GALNT2: variants seen among roughly 807,000 people sequenced by gnomAD.
GALNT2 encodes polypeptide N-acetylgalactosaminyltransferase 2.
Under a neutral mutation model 81.4 loss-of-function variants are expected in GALNT2, and 31 were observed. That is an observed-to-expected ratio of 0.38 (90% CI 0.29 to 0.51). The LOEUF is 0.51. Among genes scored for constraint, GALNT2 ranks in the 20% least tolerant of loss-of-function variants. The pLI is 0.87. For synonymous variants in GALNT2, 303 were observed against 287.4 expected (o/e 1.05, Z -0.55); for missense variants, 629 against 765.7 (o/e 0.82, Z 2.11).
chr1:230,138,869 G>C (rs1339907288), intron 1 of GALNT2, among the ~76,000 whole-genome samples: 1 of 152,166 alleles, frequency 6.6e-6, no homozygotes, highest in African/African-American at 2.4e-5. Flanking sequence ...TGGTTTTGGT[G>C]GGTTTTGGCA....
At chr1:230,165,099 A>G (rs1392206810) in intron 1 of GALNT2, among the ~76,000 whole-genome samples, 1 of 152,206 alleles carries the variant, frequency 6.6e-6, no homozygotes, top group East Asian at 1.9e-4. Flanking sequence ...CTATTCAACA[A>G]TTCATGAAGA....
Position 230,243,514 on chromosome 1 carries a change from C to G in GALNT2, c.729+87C>G. On this transcript the variant is annotated intron_variant, in intron 7 of 15. Coordinates refer to ENST00000366672, the MANE Select transcript of GALNT2 (RefSeq NM_004481.5). This position sits in a 1 kb window ranked among gnomAD's most constrained non-coding sequence, Gnocchi z 4.2. Reference sequence around the variant, plus strand: ...GGAGCATGGTCCAGGGGAGGTGTAACGCAGGGAGTAGGGCGTCAGGGCTGG... The same window carrying G: ...GGAGCATGGTCCAGGGGAGGTGTAAGGCAGGGAGTAGGGCGTCAGGGCTGG... 1 of 1,516,752 alleles carries G rather than the reference C, an allele frequency of 6.6e-7. No homozygotes were observed. Among genetic ancestry groups the G allele is most frequent in the Non-Finnish European group, 8.8e-7 (1 of 1,133,402 alleles). The allele number at this position is 1,516,752 out of a possible 1,614,324, so 94.0% of individuals were successfully genotyped here. A position where few individuals can be genotyped will look rare whatever the true frequency, so the allele number is the denominator to read the frequency against.
At chr1:230,132,911 A>G (rs1661411766) in intron 1 of GALNT2, among the ~76,000 whole-genome samples, 1 of 152,224 alleles carries the variant, frequency 6.6e-6, no homozygotes, top group Non-Finnish European at 1.5e-5. Context: ...GAACTGATGC[A>G]TATTAATTAT....
chr1:230,182,826 A>G (rs993880091), intron 2 of GALNT2, among the ~76,000 whole-genome samples: 2 of 152,198 alleles, frequency 1.3e-5, no homozygotes, highest in Non-Finnish European at 2.9e-5. Context: ...TTGACAGAGG[A>G]CTATTGAGGT....
chr1:230,200,863 G>A lies in GALNT2; in HGVS notation c.221-2274G>A, dbSNP rs578054367. 1.8e-4 allele frequency among the ~76,000 whole-genome samples: 27 copies of A among 152,344 alleles called. No individual in the cohort carries two copies. In the South Asian group the frequency reaches 5.4e-3, roughly 30 times the overall value. Reference sequence around the variant, plus strand: ...ATGGTTCTTTATTCCATAGTTCAAAGTTCCGTGGTGCAGGGTATTCAGGAC... The same window carrying A: ...ATGGTTCTTTATTCCATAGTTCAAAATTCCGTGGTGCAGGGTATTCAGGAC... On this transcript the variant is annotated intron_variant, in intron 2 of 15. Coordinates refer to ENST00000366672, the MANE Select transcript of GALNT2 (RefSeq NM_004481.5).
intron 1 of GALNT2, among the ~76,000 whole-genome samples, chr1:230,092,764 C>T (rs577483875): frequency 2.0e-5 from 3 of 151,948 alleles, no homozygotes; most frequent in South Asian, 2.1e-4. Flanking sequence ...GATTCGAGGC[C>T]GCTTATAAGA....
intron 1 of GALNT2, among the ~76,000 whole-genome samples, chr1:230,077,395 A>G (rs904579637): frequency 2.6e-5 from 4 of 152,154 alleles, no homozygotes; most frequent in African/African-American, 9.7e-5. Context: ...CAACTTTTTC[A>G]TCAATTCCGA....
chr1:230,119,662 C>T (rs9651126), intron 1 of GALNT2, among the ~76,000 whole-genome samples: 2,639 of 152,190 alleles, frequency 0.017, 76 homozygotes, highest in African/African-American at 0.059. Flanking sequence ...TATTTGTTTA[C>T]CTGGTGGTAC....
At chr1:230,213,909 T>C (rs143840242) in intron 3 of GALNT2, among the ~76,000 whole-genome samples, 1 of 151,922 alleles carries the variant, frequency 6.6e-6, no homozygotes, top group Admixed American at 6.5e-5. Context: ...CTTTATAAAC[T>C]CTATAGGATA....
Position 230,255,201 on chromosome 1 carries a change from CT to C in GALNT2, c.1010-15del. ...CCCAGGCTCTGTCAGTCACCTGTGT[CT>C]TGTTCATCGTCTCAGAGATCTCGTT... is the stretch of plus-strand genomic sequence containing the variant. On this transcript the variant is annotated splice_polypyrimidine_tract_variant and intron_variant, in intron 10 of 15. Transcript: ENST00000366672. The C allele has an allele frequency of 6.2e-7, 1 of 1,614,194 alleles. No homozygotes were observed. Among genetic ancestry groups the C allele is most frequent in the Non-Finnish European group, 8.5e-7 (1 of 1,180,044 alleles).
chr1:230,264,955 A>G (rs1212505241), intron 13 of GALNT2: 2 of 322,404 alleles, frequency 6.2e-6, no homozygotes, highest in East Asian at 1.0e-4. Context: ...GAGTATCAGG[A>G]GCTTTTCCTT....
In GALNT2 at chr1:230,236,073, A is replaced by G; in HGVS notation, c.434A>G (p.His145Arg). 1 of 1,614,040 alleles carries G rather than the reference A, an allele frequency of 6.2e-7. No homozygotes were observed. ...GCCACCAGCGTGGTGATCACGTTTC[A>G]CAATGAAGCCAGGTCGGCCCTACTC... ...LPATSVVITF[H>R]NEARSALLRT... Residue 145 changes from histidine to arginine, a missense_variant, in exon 4 of 16, where the codon CAC (histidine) becomes CGC (arginine). Physicochemically the swap from His to Arg is conservative, Grantham distance 29. Coordinates refer to ENST00000366672, the MANE Select transcript of GALNT2 (RefSeq NM_004481.5).
In GALNT2 at chr1:230,203,089, C is replaced by CATT. The variant is rs553364048; in HGVS notation, c.221-48_221-47insATT. ...CTTACTGCAGTCTCTGTGATGAGCACTTGGTCACATTTTCCCTCATCCCTA... is the reference window on the plus strand; with the variant it reads ...CTTACTGCAGTCTCTGTGATGAGCACATTTTGGTCACATTTTCCCTCATCCCTA... On this transcript the variant is annotated intron_variant, in intron 2 of 15. Transcript: ENST00000366672. 3.3e-4 allele frequency: 520 copies of CATT among 1,577,754 alleles called. 3 individuals carry two copies. In the African/African-American group the frequency reaches 6.3e-3, roughly 19 times the overall value.
chr1:230,274,696 C>T, intron 15 of GALNT2, 132 bp downstream of exon 15: 1 of 1,086,654 alleles, frequency 9.2e-7, no homozygotes. Flanking sequence ...TTTTGCATCA[C>T]TGTGAATAAT....
intron 3 of GALNT2, among the ~76,000 whole-genome samples, chr1:230,229,838 T>C (rs1379343105): frequency 2.0e-5 from 3 of 152,204 alleles, no homozygotes; most frequent in Admixed American, 1.3e-4. Context: ...AGAAAAATGC[T>C]TGGTATAATT....
intron 2 of GALNT2, among the ~76,000 whole-genome samples, chr1:230,201,310 C>G (rs1328570871): frequency 6.6e-6 from 1 of 152,094 alleles, no homozygotes; most frequent in Admixed American, 6.6e-5. Flanking sequence ...TTTGAGAGGC[C>G]AGACTTCTGT....
intron 12 of GALNT2, 70 bp from the exon 13 acceptor site, chr1:230,262,852 T>C: frequency 6.7e-7 from 1 of 1,502,238 alleles, no homozygotes; most frequent in Non-Finnish European, 9.3e-7. Flanking sequence ...TCAGCAGATT[T>C]TCAAGTTTGA....
At chr1:230,063,887 G>A (rs78808628), upstream of GALNT2, among the ~76,000 whole-genome samples, 3 of 152,264 alleles carry the variant, frequency 2.0e-5, no homozygotes, top group Non-Finnish European at 4.4e-5. Context: ...AGGGTGAACT[G>A]AGCCCACTTA....
chr1:230,212,817 C>T (rs35803716), intron 3 of GALNT2, among the ~76,000 whole-genome samples: 35,658 of 152,050 alleles, frequency 0.23, 6,950 homozygotes, highest in East Asian at 0.73. Flanking sequence ...AACCACAGAC[C>T]GTTCTTTTTC....
Sources: allele counts gnomAD v4.1 joint callset (sites outside exome capture counted in the v4.1 genomes callset), GRCh38; gene constraint gnomAD v4.1.1; non-coding constraint Gnocchi (gnomAD v3.1); transcripts MANE v1.5; gene names NCBI Gene and HGNC (gene_info 2026-07-23, HGNC 2026-07-21).